The following PIP4K2A variants were observed in gnomAD, a reference collection of about 807,000 sequenced individuals.
The protein encoded by PIP4K2A is phosphatidylinositol-5-phosphate 4-kinase type 2 alpha, also known as phosphatidylinositol 5-phosphate 4-kinase type-2 alpha.
A neutral mutation model predicts 42.9 loss-of-function variants in PIP4K2A; 14 were observed. The ratio of observed to expected loss-of-function variants is 0.33; its 90% CI spans 0.22 to 0.51. The LOEUF is 0.51. PIP4K2A is among the 20% of genes least tolerant of loss of function. PIP4K2A has a pLI of 0.97. For missense variants in PIP4K2A, 434 were observed against 519.8 expected (o/e 0.83, Z 1.61); for synonymous variants, 192 against 192.2 (o/e 1.00, Z 0.01).
At chr10:22,699,484 G>T (rs567868400) in intron 1 of PIP4K2A, among the ~76,000 whole-genome samples, 145 of 151,948 alleles carry the variant, frequency 9.5e-4, no homozygotes, top group African/African-American at 3.5e-3. Flanking sequence ...GAACACACTA[G>T]ATACCTGGGA....
chr10:22,657,893 T>C (rs948781899), intron 1 of PIP4K2A, among the ~76,000 whole-genome samples: 1 of 147,108 alleles, frequency 6.8e-6, no homozygotes. Context: ...AATCTAGTAG[T>C]TTTTTTTCTG....
chr10:22,712,305 A>G (rs1833924060), intron 1 of PIP4K2A, among the ~76,000 whole-genome samples: 2 of 152,246 alleles, frequency 1.3e-5, no homozygotes, highest in African/African-American at 4.8e-5. Context: ...CACAATTACA[A>G]GATTTTTTAA....
intron 9 of PIP4K2A, among the ~76,000 whole-genome samples, chr10:22,538,329 T>C (rs1835990800): frequency 6.6e-6 from 1 of 151,612 alleles, no homozygotes; most frequent in Non-Finnish European, 1.5e-5. Context: ...TATGGGGAGA[T>C]GAACATGGAG....
At chr10:22,591,552 A>G in intron 4 of PIP4K2A, 77 bp downstream of exon 4, 1 of 1,115,840 alleles carries the variant, frequency 9.0e-7, no homozygotes, top group Non-Finnish European at 1.3e-6. Flanking sequence ...CTATATATTT[A>G]AATCTCTGGC....
intron 1 of PIP4K2A, among the ~76,000 whole-genome samples, chr10:22,700,483 T>C (rs1833692948): frequency 6.6e-6 from 1 of 152,174 alleles, no homozygotes; most frequent in Non-Finnish European, 1.5e-5. Context: ...AAATTTTGGA[T>C]GCATGACCCG....
At position 22,589,965 on chromosome 10, in the gene PIP4K2A, T is replaced by C. The variant is rs146169683; in HGVS notation, c.492+1664A>G. On this transcript the variant is annotated intron_variant, in intron 4 of 9. Transcript: ENST00000376573. ...CGTTGAAACCCTAATCCCCAAGTGA[T>C]GGTATTAGGAGGTGGGACCTTTGAG... is the stretch of plus-strand genomic sequence containing the variant. Among the ~76,000 whole-genome samples, 815 of 152,294 alleles carry C rather than the reference T, an allele frequency of 5.4e-3. 10 individuals are homozygous for C. Among genetic ancestry groups the C allele is most frequent in the African/African-American group, 0.019 (771 of 41,564 alleles).
chr10:22,702,651 A>G (rs1833735613), intron 1 of PIP4K2A, among the ~76,000 whole-genome samples: 1 of 151,984 alleles, frequency 6.6e-6, no homozygotes, highest in Non-Finnish European at 1.5e-5. Context: ...GTTTTTCCCC[A>G]CTCTCTAACA....
At chr10:22,591,536 C>T in intron 4 of PIP4K2A, 93 bp downstream of exon 4, 1 of 984,000 alleles carries the variant, frequency 1.0e-6, no homozygotes, top group South Asian at 1.7e-5. Flanking sequence ...TCTTCTTGTT[C>T]TCTAACTATA....
chr10:22,575,004 G>C (rs1464138600), intron 4 of PIP4K2A, among the ~76,000 whole-genome samples: 2 of 152,146 alleles, frequency 1.3e-5, no homozygotes, highest in Non-Finnish European at 1.5e-5. Flanking sequence ...AAAGGTGTGT[G>C]TGTGTGTCCT....
rs1177353974 is a variant in PIP4K2A at position 22,537,114 on chromosome 10, C to G, written c.*87G>C. On this transcript the variant is annotated 3_prime_UTR_variant, in exon 10 of 10. Transcript: ENST00000376573. The stretch of plus-strand genomic sequence containing the variant: ...AGGTTTGCTTCCTGCAAGATGAGTA[C>G]TTCACTGAGTTTGGTTTTCATTTTT... 4.0e-6 allele frequency: 4 copies of G among 996,404 alleles called. No individual in the cohort carries two copies. In the African/African-American group the frequency reaches 6.5e-5, roughly 16 times the overall value. The allele number at this position is 996,404 out of a possible 1,614,324, so 61.7% of individuals were successfully genotyped here. A position where few individuals can be genotyped will look rare whatever the true frequency, so the allele number is the denominator to read the frequency against.
At chr10:22,632,056 C>CG (rs1838562452) in intron 1 of PIP4K2A, among the ~76,000 whole-genome samples, 1 of 151,928 alleles carries the variant, frequency 6.6e-6, no homozygotes, top group Non-Finnish European at 1.5e-5. Flanking sequence ...AGCAAGCTCT[C>CG]GGTGAGAGCC....
chr10:22,697,178 T>C (rs748990707), intron 1 of PIP4K2A, among the ~76,000 whole-genome samples: 4 of 151,868 alleles, frequency 2.6e-5, no homozygotes, highest in Non-Finnish European at 5.9e-5. Context: ...TAAGTAAAAA[T>C]TAAAATTGCA....
chr10:22,638,878 C>A (rs961968545), intron 1 of PIP4K2A, among the ~76,000 whole-genome samples: 1 of 152,070 alleles, frequency 6.6e-6, no homozygotes, highest in East Asian at 1.9e-4. Flanking sequence ...GTGATTCTTA[C>A]TTGGTTAAAA....
intron 6 of PIP4K2A, among the ~76,000 whole-genome samples, chr10:22,558,812 G>A (rs529972350): frequency 6.6e-6 from 1 of 152,214 alleles, no homozygotes; most frequent in South Asian, 2.1e-4. Flanking sequence ...TTGTGAAACA[G>A]TGCTGTAAGT....
At chr10:22,597,169 T>C (rs1837653383) in intron 3 of PIP4K2A, among the ~76,000 whole-genome samples, 1 of 152,190 alleles carries the variant, frequency 6.6e-6, no homozygotes, top group Admixed American at 6.5e-5. Context: ...TTACATTAAC[T>C]GAGTAGGAAG....
chr10:22,639,124 C>T (rs1838725840), intron 1 of PIP4K2A, among the ~76,000 whole-genome samples: 1 of 152,088 alleles, frequency 6.6e-6, no homozygotes. Context: ...AAAGAATCCT[C>T]AGTAAAGAGC....
chr10:22,643,910 C>A (rs1838829805), intron 1 of PIP4K2A, among the ~76,000 whole-genome samples: 1 of 152,092 alleles, frequency 6.6e-6, no homozygotes. Context: ...GGCCACTTCC[C>A]CTTCCCTTGG....
Position 22,535,121 on chromosome 10 carries a change from A to G in PIP4K2A, c.*2080T>C, listed in dbSNP as rs1160265028. The G allele has an allele frequency of 1.2e-4, 18 of 152,368 alleles. No homozygotes were observed. Among genetic ancestry groups the G allele is most frequent in the Admixed American group, 1.2e-3 (18 of 15,302 alleles). The allele number at this position is 152,368 out of a possible 1,614,324, so 9.4% of individuals were successfully genotyped here. On this transcript the variant is annotated 3_prime_UTR_variant, in exon 10 of 10. Transcript: ENST00000376573. ...CAGACTGTTTGTTATAGACAAAAAT[A>G]AAAGCATTCTGTAAACTTCTAAAAG...
chr10:22,543,693 C>T lies in PIP4K2A; in HGVS notation c.793-1646G>A, dbSNP rs1315073903. Among the ~76,000 whole-genome samples the T allele has an allele frequency of 2.0e-5, 3 of 152,210 alleles. 1 individual carries two copies. Among genetic ancestry groups the T allele is most frequent in the Non-Finnish European group, 4.4e-5 (3 of 68,042 alleles). On this transcript the variant is annotated intron_variant, in intron 7 of 9. Transcript: ENST00000376573. ...GGCAGCTGCCAGGCTGTGAGGTGCA[C>T]CTGGCCGAGATCACCTGGCTGGGAT...
Sources: gnomAD v4.1 joint callset for allele counts (sites outside exome capture counted in the v4.1 genomes callset) on GRCh38, gnomAD v4.1.1 for gene constraint, MANE v1.5 for transcripts, NCBI Gene and HGNC (gene_info 2026-07-23, HGNC 2026-07-21) for gene names.